The following CRLF2 variants were observed in gnomAD, a reference collection of about 807,000 sequenced individuals.
CRLF2 encodes the protein cytokine receptor-like factor 2.
CRLF2 carries 41 observed loss-of-function variants against 38.7 expected under a neutral mutation model. That is an observed-to-expected ratio of 1.06 (90% confidence interval 0.83 to 1.37). The LOEUF is 1.37. Ranked by LOEUF, CRLF2 falls within the 40% of genes most tolerant of loss-of-function variation. The pLI, the probability that CRLF2 is intolerant of heterozygous loss-of-function variation, is 0.00. For synonymous variants in CRLF2, 140 were observed against 128.8 expected (o/e 1.09, Z -0.59); for missense variants, 377 against 322.2 (o/e 1.17, Z -1.30).
intron 4 of CRLF2, among the ~76,000 whole-genome samples, chrX:1,202,028 G>A (rs1193944472): frequency 6.6e-6 from 1 of 151,776 alleles, no homozygotes; most frequent in Non-Finnish European, 1.5e-5. Context: ...GAAAGACAGG[G>A]ATAGAGATAA....
intron 4 of CRLF2, 146 bp from the exon 5 acceptor site, chrX:1,198,870 C>A (rs1224601576): frequency 3.4e-5 from 27 of 803,992 alleles, no homozygotes; most frequent in Non-Finnish European, 5.3e-5. Flanking sequence ...GCCGCGAGGC[C>A]GGACACAGTG....
chrX:1,209,103 G>A (rs2086742993), intron 1 of CRLF2, among the ~76,000 whole-genome samples, 195 bp from the exon 2 acceptor site: 1 of 151,578 alleles, frequency 6.6e-6, no homozygotes, highest in Non-Finnish European at 1.5e-5. Context: ...GAGTAGCCGG[G>A]ATTACAGGCA....
chrX:1,196,654 A>G, intron 6 of CRLF2, 126 bp downstream of exon 6: 1 of 1,195,106 alleles, frequency 8.4e-7, no homozygotes, highest in Admixed American at 2.7e-5. Flanking sequence ...CCATCAGAAG[A>G]GTGGGCATTG....
intron 3 of CRLF2, 57 bp from the exon 4 acceptor site, chrX:1,202,592 G>A (rs1163678793): frequency 1.2e-6 from 2 of 1,606,852 alleles, no homozygotes; most frequent in Non-Finnish European, 1.7e-6. Flanking sequence ...ATTGTGACAG[G>A]CTGACCTCAT....
chrX:1,195,321 T>C (rs1163373254), intron 6 of CRLF2, among the ~76,000 whole-genome samples: 1 of 152,106 alleles, frequency 6.6e-6, no homozygotes, highest in Non-Finnish European at 1.5e-5. Context: ...AAGCCAAAAA[T>C]TCAGTGAGAG....
At position 1,196,918 on chromosome X, in the gene CRLF2, G is replaced by A; in HGVS notation, c.647-18C>T. 1.2e-6 allele frequency: 2 copies of A among 1,610,834 alleles called. No individual in the cohort carries two copies. Among genetic ancestry groups the A allele is most frequent in the Non-Finnish European group, 8.5e-7 (1 of 1,178,242 alleles). ...ACAGGCATCTGAAACAAAATGAAAA[G>A]GCGGCTGTCAGTTTTCAACATGACG... On this transcript the variant is annotated intron_variant, in intron 5 of 7. Coordinates refer to ENST00000400841, the MANE Select transcript of CRLF2 (RefSeq NM_022148.4).
chrX:1,212,274 G>A (rs113563164), intron 1 of CRLF2, among the ~76,000 whole-genome samples: 9,535 of 151,390 alleles, frequency 0.063, 423 homozygotes, highest in Middle Eastern at 0.12. Context: ...CACACATACA[G>A]TTCCTAGTTC....
intron 4 of CRLF2, chrX:1,199,003 G>A (rs2086553346): frequency 2.1e-6 from 1 of 475,102 alleles, no homozygotes; most frequent in Non-Finnish European, 3.9e-6. Context: ...ACAAAAATTA[G>A]CCAGGCGTGG....
intron 5 of CRLF2, among the ~76,000 whole-genome samples, chrX:1,198,271 A>C (rs1367712082): frequency 9.7e-6 from 1 of 102,782 alleles, no homozygotes; most frequent in Admixed American, 1.0e-4. Context: ...CCTCCCTCCC[A>C]CCTCCCAGGA....
chrX:1,201,567 T>G (rs1221051857), intron 4 of CRLF2, among the ~76,000 whole-genome samples: 2 of 131,198 alleles, frequency 1.5e-5, no homozygotes, highest in African/African-American at 2.8e-5. Flanking sequence ...GAGAGAGAGA[T>G]AGATGATACA....
Position 1,190,574 on chromosome X carries a change from A to C in CRLF2, c.*323T>G. 3.0e-6 allele frequency: 1 copy of C among 329,380 alleles called. No homozygotes were observed. The highest frequency in any genetic ancestry group is 5.5e-6 in the Non-Finnish European group (1 of 182,006). 20.4% of individuals were successfully genotyped at this position (329,380 alleles called of 1,614,324 possible). Reference sequence around the variant, plus strand: ...GGAACTGGGGACTCACAGAGTGGGAAGATGGTTTTACAGCATTTTGGACGT... The same window carrying C: ...GGAACTGGGGACTCACAGAGTGGGACGATGGTTTTACAGCATTTTGGACGT... On this transcript the variant is annotated 3_prime_UTR_variant, in exon 8 of 8. Coordinates refer to ENST00000400841, the MANE Select transcript of CRLF2 (RefSeq NM_022148.4).
intron 4 of CRLF2, among the ~76,000 whole-genome samples, chrX:1,200,964 G>C (rs1192013220): frequency 6.6e-6 from 1 of 151,936 alleles, no homozygotes; most frequent in African/African-American, 2.4e-5. Context: ...TTCATTATGA[G>C]AATATTCTAG....
chrX:1,197,811 C>G (rs1201589735), intron 5 of CRLF2, among the ~76,000 whole-genome samples: 3 of 148,134 alleles, frequency 2.0e-5, no homozygotes, highest in Non-Finnish European at 3.0e-5. Flanking sequence ...GAGACTCCCT[C>G]TAAAAAAAAA....
Position 1,202,686 on chromosome X carries a change from G to A in CRLF2, c.350-151C>T, listed in dbSNP as rs1288170375. The stretch of plus-strand genomic sequence containing the variant: ...ACCCGTCCTCATTACTTTTATAGGA[G>A]AAGCTTCCACCAGAGCTCCGAGAAC... On this transcript the variant is annotated intron_variant, in intron 3 of 7. Coordinates refer to ENST00000400841, the MANE Select transcript of CRLF2 (RefSeq NM_022148.4). Among the ~76,000 whole-genome samples the A allele has an allele frequency of 2.0e-5, 3 of 152,044 alleles. No homozygotes were observed. In the East Asian group the frequency reaches 5.8e-4, roughly 29 times the overall value.
Position 1,206,591 on chromosome X carries a change from C to A in CRLF2, c.191G>T (p.Gly64Val), listed in dbSNP as rs758423336. ...GGTGCACTGGTCATAGGCCTCATCACCGTTGAATCTGTGGTTTAAAACGAT... is the reference window on the plus strand; with the variant it reads ...GGTGCACTGGTCATAGGCCTCATCAACGTTGAATCTGTGGTTTAAAACGAT... Reference protein sequence around the residue: ...TNLTFHYRFNGDEAYDQCTNY... With the variant: ...TNLTFHYRFNVDEAYDQCTNY... The change falls in exon 3 of 8, where the codon GGT (glycine) becomes GTT (valine). Residue 64 changes from glycine to valine, a missense_variant. Coordinates refer to ENST00000400841, the MANE Select transcript of CRLF2 (RefSeq NM_022148.4). 4.3e-6 allele frequency: 7 copies of A among 1,613,116 alleles called. No individual in the cohort carries two copies. In the African/African-American group the frequency reaches 9.3e-5, roughly 22 times the overall value.
Position 1,196,762 on chromosome X carries a change from G to A in CRLF2, c.767+18C>T, listed in dbSNP as rs757104826. The A allele has an allele frequency of 7.3e-5, 117 of 1,612,042 alleles. No individual in the cohort carries two copies. Among genetic ancestry groups the A allele is most frequent in the South Asian group, 1.4e-4 (13 of 90,898 alleles). ...CAAGCAGGTCCCTCCACCCACGGGC[G>A]GCAGGAGTCATCCTTACCTCCATAA... is the stretch of plus-strand genomic sequence containing the variant. On this transcript the variant is annotated intron_variant, in intron 6 of 7. Transcript: ENST00000400841.
chrX:1,209,339 GTGTAT>G (rs1427360966), intron 1 of CRLF2, among the ~76,000 whole-genome samples: 5 of 134,130 alleles, frequency 3.7e-5, no homozygotes, highest in South Asian at 2.3e-4. Flanking sequence ...GTGTAGTGTA[GTGTAT>G]TGTGTGAGAC....
At chrX:1,212,378 G>A (rs376458766) in intron 1 of CRLF2, among the ~76,000 whole-genome samples, 178 bp downstream of exon 1, 1 of 138,968 alleles carries the variant, frequency 7.2e-6, no homozygotes, top group African/African-American at 2.8e-5. Flanking sequence ...TTTTGTCCCA[G>A]CTACTTGAGA....
intron 6 of CRLF2, among the ~76,000 whole-genome samples, chrX:1,194,360 G>A (rs1351877941): frequency 6.6e-6 from 1 of 152,072 alleles, no homozygotes; most frequent in African/African-American, 2.4e-5. Context: ...TGCTTGGGAG[G>A]CTAAGGCAGG....
Sources: gnomAD v4.1 joint callset for allele counts (sites outside exome capture counted in the v4.1 genomes callset) on GRCh38, gnomAD v4.1.1 for gene constraint, MANE v1.5 for transcripts, NCBI Gene and HGNC (gene_info 2026-07-23, HGNC 2026-07-21) for gene names.